UBE2D3: variants seen among roughly 807,000 people sequenced by gnomAD.
UBE2D3 encodes the protein ubiquitin conjugating enzyme E2 D3, also known as ubiquitin-conjugating enzyme E2 D3.
A neutral mutation model predicts 22.8 loss-of-function variants in UBE2D3; 2 were observed. That is an observed-to-expected ratio of 0.09 (90% CI 0.04 to 0.28). The LOEUF is 0.28. UBE2D3 is among the 10% of genes least tolerant of loss of function. The pLI is 1.00. For synonymous variants in UBE2D3, 56 were observed against 60.4 expected (o/e 0.93, Z 0.34); for missense variants, 27 against 182.5 (o/e 0.15, Z 4.91).
At chr4:102,857,328 T>C (rs978519006) in intron 1 of UBE2D3, among the ~76,000 whole-genome samples, 42 of 152,292 alleles carry the variant, frequency 2.8e-4, no homozygotes, top group African/African-American at 9.9e-4. Flanking sequence ...GGCCCAAACA[T>C]AAAATAATAA....
chr4:102,821,632 T>C (rs972249953), intron 2 of UBE2D3, among the ~76,000 whole-genome samples: 2 of 152,038 alleles, frequency 1.3e-5, no homozygotes, highest in Non-Finnish European at 2.9e-5. Context: ...TTCTAAACAA[T>C]CTGACATTTA....
chr4:102,805,289 T>C (rs1036951402), intron 4 of UBE2D3, among the ~76,000 whole-genome samples: 1 of 152,156 alleles, frequency 6.6e-6, no homozygotes, highest in African/African-American at 2.4e-5. Flanking sequence ...TTAAATTCTA[T>C]TATGAATCAG....
rs548288720 is a variant in UBE2D3 at position 102,814,390 on chromosome 4, G to A, written c.25-4535C>T. 1.4e-3 allele frequency among the ~76,000 whole-genome samples: 208 copies of A among 150,734 alleles called. No homozygotes were observed. In the Middle Eastern group the frequency reaches 0.017, roughly 13 times the overall value. On this transcript the variant is annotated intron_variant, in intron 2 of 7. Transcript: ENST00000453744. The stretch of plus-strand genomic sequence containing the variant: ...TGCAACCTCCTCCTCCCAGGTTCAA[G>A]TGACTCTCCTGCCTCAGCCTCCTGA...
At chr4:102,827,922 C>T (rs1266017562), upstream of UBE2D3, 3 of 985,578 alleles carry the variant, frequency 3.0e-6, no homozygotes, top group Non-Finnish European at 3.6e-6. Context: ...CCCCTCCCCA[C>T]AGCGTCCCCC....
In UBE2D3 at chr4:102,827,464, C is replaced by T. The variant is rs1730758790; in HGVS notation, c.-166G>A. ...GCCTCCCTCAAGCTGCGGCCTCGGC[C>T]TCCTCCCCGCGCGGCAGCTGGTGCC... is the stretch of plus-strand genomic sequence containing the variant. On this transcript the variant is annotated 5_prime_UTR_variant, in exon 1 of 8. Transcript: ENST00000453744. 1 of 986,156 alleles carries T rather than the reference C, an allele frequency of 1.0e-6. No individual in the cohort carries two copies. Among genetic ancestry groups the T allele is most frequent in the African/African-American group, 1.7e-5 (1 of 57,256 alleles). 61.1% of individuals were successfully genotyped at this position (986,156 alleles called of 1,614,324 possible).
chr4:102,798,476 T>TAC (rs1383638835), intron 7 of UBE2D3, among the ~76,000 whole-genome samples: 4 of 151,616 alleles, frequency 2.6e-5, no homozygotes, highest in Admixed American at 6.6e-5. Flanking sequence ...TTATTTAGCA[T>TAC]ACAGGGAGCC....
At chr4:102,863,281 C>T (rs1262190834) in intron 1 of UBE2D3, among the ~76,000 whole-genome samples, 4 of 151,570 alleles carry the variant, frequency 2.6e-5, no homozygotes, top group Non-Finnish European at 5.9e-5. Flanking sequence ...GAACTCCTGA[C>T]GTCAGGTGAG....
At chr4:102,822,115 T>G (rs1729716596) in intron 2 of UBE2D3, among the ~76,000 whole-genome samples, 1 of 152,226 alleles carries the variant, frequency 6.6e-6, no homozygotes, top group African/African-American at 2.4e-5. Context: ...AGTGACACAG[T>G]AGTTCATCCC....
chr4:102,819,788 A>T (rs1729309482), intron 2 of UBE2D3, among the ~76,000 whole-genome samples: 1 of 152,248 alleles, frequency 6.6e-6, no homozygotes, highest in Non-Finnish European at 1.5e-5. Context: ...AGAGGACAGA[A>T]CGCAGTAGTA....
intron 1 of UBE2D3, among the ~76,000 whole-genome samples, chr4:102,865,097 T>G (rs1733083628): frequency 6.6e-6 from 1 of 152,188 alleles, no homozygotes; most frequent in South Asian, 2.1e-4. Context: ...CCTTTGTGAT[T>G]TAGGGGTAGA....
At chr4:102,799,569 G>C in intron 6 of UBE2D3, 69 bp from the exon 7 acceptor site, 1 of 1,229,336 alleles carries the variant, frequency 8.1e-7, no homozygotes, top group South Asian at 1.4e-5. Flanking sequence ...TCTAAACCGT[G>C]TATTACAAAA....
chr4:102,846,277 T>G (rs1246481008), intron 1 of UBE2D3, among the ~76,000 whole-genome samples: 2 of 152,228 alleles, frequency 1.3e-5, no homozygotes, highest in African/African-American at 4.8e-5. Context: ...CTTAATGACA[T>G]GGTGAAAATT....
chr4:102,835,200 C>T (rs1157069507), intron 1 of UBE2D3, among the ~76,000 whole-genome samples: 1 of 152,194 alleles, frequency 6.6e-6, no homozygotes, highest in African/African-American at 2.4e-5. Flanking sequence ...CAACCAACCA[C>T]GGATCCAAAA....
At chr4:102,814,397 T>C (rs977841925) in intron 2 of UBE2D3, among the ~76,000 whole-genome samples, 3 of 151,228 alleles carry the variant, frequency 2.0e-5, no homozygotes, top group Non-Finnish European at 2.9e-5. Context: ...CAAGTGACTC[T>C]CCTGCCTCAG....
intron 4 of UBE2D3, among the ~76,000 whole-genome samples, chr4:102,802,963 C>A (rs1044340476): frequency 6.6e-6 from 1 of 152,178 alleles, no homozygotes; most frequent in Non-Finnish European, 1.5e-5. Flanking sequence ...TCAGAATAAT[C>A]TGTAAACAAA....
chr4:102,799,186 G>GA (rs796245263), intron 7 of UBE2D3, among the ~76,000 whole-genome samples: 41 of 145,928 alleles, frequency 2.8e-4, no homozygotes, highest in South Asian at 6.5e-4. Flanking sequence ...AACACGCTAG[G>GA]AAAAAAAAAA....
intron 1 of UBE2D3, among the ~76,000 whole-genome samples, chr4:102,855,396 A>G (rs2110372721): frequency 6.6e-6 from 1 of 152,342 alleles, no homozygotes; most frequent in East Asian, 1.9e-4. Context: ...ATAATAGGAT[A>G]TACCAATACT....
intron 2 of UBE2D3, among the ~76,000 whole-genome samples, chr4:102,818,789 T>G (rs993131713): frequency 2.0e-5 from 3 of 152,124 alleles, no homozygotes; most frequent in African/African-American, 7.2e-5. Context: ...TTACATGAGA[T>G]TTTTAATACA....
intron 5 of UBE2D3, chr4:102,802,341 G>A (rs973715032): frequency 8.6e-6 from 3 of 348,180 alleles, no homozygotes; most frequent in Admixed American, 9.2e-5. Context: ...CACATGGTCT[G>A]AATCTTGCAA....
Sources: gnomAD v4.1 joint callset for allele counts (sites outside exome capture counted in the v4.1 genomes callset) on GRCh38, gnomAD v4.1.1 for gene constraint, MANE v1.5 for transcripts, NCBI Gene and HGNC (gene_info 2026-07-23, HGNC 2026-07-21) for gene names.